Variants in LIN7A observed in about 807,000 individuals in gnomAD.
The protein encoded by LIN7A is protein lin-7 homolog A.
A neutral mutation model predicts 29.8 loss-of-function variants in LIN7A; 25 were observed. The ratio of observed to expected loss-of-function variants is 0.84; its 90% confidence interval spans 0.61 to 1.17. LIN7A has a LOEUF of 1.17. Among genes scored for constraint, LIN7A ranks in the 50% most tolerant of loss-of-function variants. The pLI, the probability that LIN7A is intolerant of heterozygous loss-of-function variation, is 0.00. For missense variants in LIN7A, 239 were observed against 287.0 expected, an observed-to-expected ratio of 0.83 and a Z score of 1.21; for synonymous variants, 118 against 107.5, an observed-to-expected ratio of 1.10 and a Z score of -0.60.
rs372508379 is a variant in LIN7A at position 80,897,811 on chromosome 12, T to TA, written c.83-8443dup. Among the ~76,000 whole-genome samples the TA allele has an allele frequency of 4.2e-3, 645 of 151,784 alleles. 8 individuals are homozygous for TA. Among genetic ancestry groups the TA allele is most frequent in the Admixed American group, 0.011 (172 of 15,260 alleles). On this transcript the variant is annotated intron_variant, in intron 1 of 5. Coordinates refer to ENST00000552864, the MANE Select transcript of LIN7A (RefSeq NM_004664.4). ...CAGAGTAAGACTGTCTCAAAAAAAA[T>TA]AAAAAAAATTGTTTCTTGAATATAA...
Position 80,930,351 on chromosome 12 carries a change from C to CT in LIN7A, c.82+7289dup, listed in dbSNP as rs1209018457. ...AGTATATTACTTAGCAAAATTCAAT[C>CT]TTTTTTTTTAAAGATCTCAATTGAA... On this transcript the variant is annotated intron_variant, in intron 1 of 5. Coordinates refer to ENST00000552864, the MANE Select transcript of LIN7A (RefSeq NM_004664.4). Among the ~76,000 whole-genome samples, 3 of 151,318 alleles carry CT rather than the reference C, an allele frequency of 2.0e-5. No individual in the cohort carries two copies. The South Asian group carries it at 6.3e-4, about 32-fold the overall frequency.
intron 1 of LIN7A, among the ~76,000 whole-genome samples, chr12:80,911,142 T>G (rs145000181): frequency 6.6e-6 from 1 of 152,308 alleles, no homozygotes; most frequent in African/African-American, 2.4e-5. Context: ...TTTGCCTTGC[T>G]CAGTGCTATT....
chr12:80,800,630 G>C (rs533215168), intron 5 of LIN7A, among the ~76,000 whole-genome samples: 11 of 150,340 alleles, frequency 7.3e-5, no homozygotes, highest in African/African-American at 2.7e-4. Context: ...GGAAGCACCC[G>C]ACCCTGATAG....
chr12:80,834,506 G>A (rs1248415535), intron 4 of LIN7A, among the ~76,000 whole-genome samples: 1 of 152,140 alleles, frequency 6.6e-6, no homozygotes, highest in Non-Finnish European at 1.5e-5. Context: ...TTGTATCTAT[G>A]AGAGAAGAGA....
Position 80,845,775 on chromosome 12 carries a change from G to T in LIN7A, c.438C>A (p.His146Gln). 6.2e-7 allele frequency: 1 copy of T among 1,613,720 alleles called. No individual in the cohort carries two copies. Among genetic ancestry groups the T allele is most frequent in the Non-Finnish European group, 8.5e-7 (1 of 1,179,870 alleles). ...GCTGGTCTCCTCTTTTGAGGCCTCC[G>T]TGTCTTTCAGCCACCCCTCCAGGAA... The part of the protein sequence containing the change: ...RIIPGGVAER[H>Q]GGLKRGDQLL... The change falls in exon 4 of 6, where the codon CAC becomes CAA. Residue 146 changes from histidine to glutamine, a missense_variant. Physicochemically the swap from His to Gln is conservative, Grantham distance 24. Transcript: ENST00000552864.
At chr12:80,831,429 T>A (rs146950967) in intron 4 of LIN7A, among the ~76,000 whole-genome samples, 10 of 152,152 alleles carry the variant, frequency 6.6e-5, no homozygotes, top group African/African-American at 2.4e-4. Context: ...TAATTGATAA[T>A]GCATCAGGGG....
Position 80,807,063 on chromosome 12 carries a change from G to GTTTTTTTTTTTTTTTTTT in LIN7A, c.*4384_*4401dup, listed in dbSNP as rs71094991. ...CCATAGGAAATTTAATGAAGATGGA[G>GTTTTTTTTTTTTTTTTTT]TTTTTTTTTTTTTTTTTTTTTTTTT... On this transcript the variant is annotated intron_variant, in intron 5 of 5. Transcript: ENST00000552864. Among the ~76,000 whole-genome samples the GTTTTTTTTTTTTTTTTTT allele has an allele frequency of 1.5e-3, 82 of 53,572 alleles. 10 individuals carry two copies. Among genetic ancestry groups the GTTTTTTTTTTTTTTTTTT allele is most frequent in the African/African-American group, 6.9e-3 (79 of 11,526 alleles). The allele number at this position is 53,572 out of a possible 152,430, so 35.1% of individuals were successfully genotyped here. A position where few individuals can be genotyped will look rare whatever the true frequency, so the allele number is the denominator to read the frequency against.
At chr12:80,905,879 G>A (rs1359024312) in intron 1 of LIN7A, among the ~76,000 whole-genome samples, 1 of 150,992 alleles carries the variant, frequency 6.6e-6, no homozygotes, top group African/African-American at 2.4e-5. Flanking sequence ...CTTTTTCATA[G>A]CAGCTTATTA....
At chr12:80,833,640 C>T (rs1342367057) in intron 4 of LIN7A, among the ~76,000 whole-genome samples, 1 of 152,186 alleles carries the variant, frequency 6.6e-6, no homozygotes, top group Non-Finnish European at 1.5e-5. Context: ...CATGATGTGG[C>T]TCAAGCCCAT....
chr12:80,915,175 C>CA (rs1231956828), intron 1 of LIN7A, among the ~76,000 whole-genome samples: 3 of 136,558 alleles, frequency 2.2e-5, no homozygotes, highest in Admixed American at 2.1e-4. Flanking sequence ...AACAAAAAAA[C>CA]AAAAAAAATT....
chr12:80,834,696 C>T (rs1203958682), intron 4 of LIN7A, among the ~76,000 whole-genome samples: 1 of 152,212 alleles, frequency 6.6e-6, no homozygotes, highest in African/African-American at 2.4e-5. Flanking sequence ...GGTTATCTCA[C>T]ATGAACCTGT....
chr12:80,841,791 A>C, intron 4 of LIN7A: 1 of 632,588 alleles, frequency 1.6e-6, no homozygotes, highest in Non-Finnish European at 2.0e-6. Flanking sequence ...ATAGTCCTTG[A>C]GTTCTCTCTT....
Position 80,889,967 on chromosome 12 carries a change from T to C in LIN7A, c.83-598A>G, listed in dbSNP as rs113927227. Reference sequence around the variant, plus strand: ...CCCTCGTCATCTCCCCTCTGTCCAATTGGAATTGTTTCTTCTCCTCCAGCC... The same window carrying C: ...CCCTCGTCATCTCCCCTCTGTCCAACTGGAATTGTTTCTTCTCCTCCAGCC... On this transcript the variant is annotated intron_variant, in intron 1 of 5. Coordinates refer to ENST00000552864, the MANE Select transcript of LIN7A (RefSeq NM_004664.4). Among the ~76,000 whole-genome samples, 582 of 152,222 alleles carry C rather than the reference T, an allele frequency of 3.8e-3. 4 individuals are homozygous for C. The highest frequency in any genetic ancestry group is 5.8e-3 in the Admixed American group (89 of 15,276).
intron 4 of LIN7A, among the ~76,000 whole-genome samples, chr12:80,831,230 G>A (rs1462603331): frequency 6.6e-6 from 1 of 152,118 alleles, no homozygotes; most frequent in Non-Finnish European, 1.5e-5. Flanking sequence ...AGGTGCTTTA[G>A]ATACAAGTTC....
chr12:80,903,012 A>T (rs1876304422), intron 1 of LIN7A, among the ~76,000 whole-genome samples: 1 of 151,214 alleles, frequency 6.6e-6, no homozygotes, highest in Non-Finnish European at 1.5e-5. Flanking sequence ...AATAGCTTTT[A>T]TTATTTTGAG....
intron 1 of LIN7A, among the ~76,000 whole-genome samples, chr12:80,925,173 T>C (rs1877514443): frequency 6.6e-6 from 1 of 152,212 alleles, no homozygotes; most frequent in South Asian, 2.1e-4. Flanking sequence ...TTAAAACACA[T>C]ATTTTTAGGG....
chr12:80,805,336 A>G (rs1460116950), intron 5 of LIN7A, among the ~76,000 whole-genome samples: 2 of 152,190 alleles, frequency 1.3e-5, no homozygotes, highest in Non-Finnish European at 2.9e-5. Flanking sequence ...CATCAGGATC[A>G]TGCATGTGGT....
In LIN7A at chr12:80,920,767, T is replaced by C. The variant is rs138019403; in HGVS notation, c.82+16874A>G. Among the ~76,000 whole-genome samples, 466 of 152,336 alleles carry C rather than the reference T, an allele frequency of 3.1e-3. 1 individual carries two copies. The highest frequency in any genetic ancestry group is 1.0e-2 in the African/African-American group (414 of 41,582). On this transcript the variant is annotated intron_variant, in intron 1 of 5. Transcript: ENST00000552864. ...AATGGAGAGTGATCCAAGAGAAGTT[T>C]TGAAAACTTGTTAGTACATGAAAGA...
At chr12:80,926,173 A>G (rs962915150) in intron 1 of LIN7A, among the ~76,000 whole-genome samples, 1 of 152,168 alleles carries the variant, frequency 6.6e-6, no homozygotes, top group Non-Finnish European at 1.5e-5. Context: ...CTATTTGTTT[A>G]CTTATTTAAA....
Sources: allele counts gnomAD v4.1 joint callset (sites outside exome capture counted in the v4.1 genomes callset), GRCh38; gene constraint gnomAD v4.1.1; transcripts MANE v1.5; gene names NCBI Gene and HGNC (gene_info 2026-07-23, HGNC 2026-07-21).